LAG3: variants seen among roughly 807,000 people sequenced by gnomAD.
LAG3 encodes lymphocyte activation gene 3 protein.
In LAG3, 29 loss-of-function variants were observed where a neutral mutation model predicts 49.0. That is an observed-to-expected ratio of 0.59 (90% CI 0.44 to 0.81). The LOEUF is 0.81. Ranked by LOEUF, LAG3 falls within the 30% of genes least tolerant of loss-of-function variation. The pLI, the probability that LAG3 is intolerant of heterozygous loss-of-function variation, is 0.00. For missense variants in LAG3, 693 were observed against 695.2 expected (o/e 1.00, Z 0.04); for synonymous variants, 320 against 297.3 (o/e 1.08, Z -0.79).
At chr12:6,775,246 T>C (rs1240681982) in intron 4 of LAG3, 27 bp from the exon 5 acceptor site, 1 of 1,602,232 alleles carries the variant, frequency 6.2e-7, no homozygotes, top group Non-Finnish European at 8.5e-7. Flanking sequence ...CACCCAGCTT[T>C]AACTTTGGGT....
At chr12:6,776,753 T>C (rs1236899983) in intron 5 of LAG3, among the ~76,000 whole-genome samples, 1 of 152,160 alleles carries the variant, frequency 6.6e-6, no homozygotes, top group Non-Finnish European at 1.5e-5. Context: ...AGTTCCAAAA[T>C]TGTGAAGTAG....
intron 5 of LAG3, 68 bp from the exon 6 acceptor site, chr12:6,777,196 G>A: frequency 6.3e-7 from 1 of 1,590,626 alleles, no homozygotes; most frequent in Non-Finnish European, 8.6e-7. Context: ...TGAGACTTGG[G>A]GTTCAACCTG....
At chr12:6,774,030 G>T in intron 3 of LAG3, 29 bp downstream of exon 3, 5 of 1,391,218 alleles carry the variant, frequency 3.6e-6, no homozygotes, top group Non-Finnish European at 3.7e-6. Context: ...TGGGAGAAGG[G>T]CTGGGAGGTG....
intron 5 of LAG3, among the ~76,000 whole-genome samples, chr12:6,776,290 C>T (rs1941907439): frequency 2.0e-5 from 3 of 152,144 alleles, no homozygotes; most frequent in Admixed American, 2.0e-4. Context: ...AGCTTTTTCT[C>T]CCACCAATCC....
At position 6,772,825 on chromosome 12, in the gene LAG3, G is replaced by A. The variant is rs1941858907; in HGVS notation, c.-28G>A. The A allele has an allele frequency of 1.9e-6, 3 of 1,609,166 alleles. No homozygotes were observed. In the African/African-American group the frequency reaches 4.0e-5, roughly 22 times the overall value. On this transcript the variant is annotated 5_prime_UTR_variant, in exon 1 of 8. Transcript: ENST00000203629. ...TCCTTTTCTGACCTCCTTTTGGAGG[G>A]CTCAGCGCTGCCCAGACCATAGGAG...
In LAG3 at chr12:6,775,496, C is replaced by A. The variant is rs771446426; in HGVS notation, c.1005C>A (p.Ile335=). 6 of 1,614,074 alleles carry A rather than the reference C, an allele frequency of 3.7e-6. No homozygotes were observed. Among genetic ancestry groups the A allele is most frequent in the East Asian group, 2.2e-5 (1 of 44,904 alleles). Residue 335 remains isoleucine, a synonymous_variant, in exon 5 of 8, where the codon ATC becomes ATA. Transcript: ENST00000203629. ...AGGCTGGGACCTACACCTGCCATAT[C>A]CATCTGCAGGAACAGCAGCTCAATG... ...QAQAGTYTCH[I]HLQEQQLNAT...
rs1036816241 is a variant in LAG3 at position 6,777,514 on chromosome 12, G to A, written c.1300+8G>A. 7.4e-6 allele frequency: 12 copies of A among 1,611,220 alleles called. No homozygotes were observed. Among genetic ancestry groups the A allele is most frequent in the Non-Finnish European group, 1.0e-5 (12 of 1,178,694 alleles). On this transcript the variant is annotated splice_region_variant and intron_variant, in intron 6 of 7. Coordinates refer to ENST00000203629, the MANE Select transcript of LAG3 (RefSeq NM_002286.6). Reference sequence around the variant, plus strand: ...CAGAGCTGTCTAGCCCAGGTCCGAGGCCCCAGAATGCCAGGACCCAAACGC... The same window carrying A: ...CAGAGCTGTCTAGCCCAGGTCCGAGACCCCAGAATGCCAGGACCCAAACGC...
In LAG3 at chr12:6,777,943, C is replaced by T. The variant is rs553492298; in HGVS notation, c.1431+22C>T. 32 of 1,611,808 alleles carry T rather than the reference C, an allele frequency of 2.0e-5. No homozygotes were observed. In the Admixed American group the frequency reaches 2.0e-4, roughly 10 times the overall value. ...ACAGGTGAGCCAGGGACATGGCAACCCCGCCCCCCAGCAGCTCCCGCTCTT... is the reference window on the plus strand; with the variant it reads ...ACAGGTGAGCCAGGGACATGGCAACTCCGCCCCCCAGCAGCTCCCGCTCTT... On this transcript the variant is annotated intron_variant, in intron 7 of 7. Transcript: ENST00000203629.
At position 6,775,427 on chromosome 12, in the gene LAG3, C is replaced by T. The variant is rs554966606; in HGVS notation, c.936C>T (p.Asp312=). 6.2e-7 allele frequency: 1 copy of T among 1,614,220 alleles called. No homozygotes were observed. The highest frequency in any genetic ancestry group is 1.1e-5 in the South Asian group (1 of 91,086). Residue 312 remains aspartate, a synonymous_variant, in exon 5 of 8, where the codon GAC becomes GAT. Coordinates refer to ENST00000203629, the MANE Select transcript of LAG3 (RefSeq NM_002286.6). ...GCCCTGACCTCCTGGTGACTGGAGA[C>T]AATGGCGACTTTACCCTTCGACTAG... The part of the protein sequence containing the change: ...GGGPDLLVTG[D]NGDFTLRLED...
In LAG3 at chr12:6,774,759, C is replaced by G; in HGVS notation, c.676C>G (p.Leu226Val). The change falls in exon 4 of 8, where the codon CTC becomes GTC. Residue 226 changes from leucine to valine, a missense_variant. Coordinates refer to ENST00000203629, the MANE Select transcript of LAG3 (RefSeq NM_002286.6). ...SPHHHLAESF[L>V]FLPQVSPMDS... is the part of the protein sequence containing the mutation. Reference sequence around the variant, plus strand: ...CCATCACCACTTAGCGGAAAGCTTCCTCTTCCTGCCCCAAGTCAGCCCCAT... The same window carrying G: ...CCATCACCACTTAGCGGAAAGCTTCGTCTTCCTGCCCCAAGTCAGCCCCAT... The G allele has an allele frequency of 6.2e-7, 1 of 1,614,202 alleles. No individual in the cohort carries two copies.
rs1476475794 is a variant in LAG3, at chr12:6,773,616, C to T, written c.207-81C>T. 7.5e-7 allele frequency: 1 copy of T among 1,334,562 alleles called. No individual in the cohort carries two copies. The highest frequency in any genetic ancestry group is 9.5e-7 in the Non-Finnish European group (1 of 1,048,594). 82.7% of individuals were successfully genotyped at this position (1,334,562 alleles called of 1,614,324 possible). On this transcript the variant is annotated intron_variant, in intron 2 of 7. Coordinates refer to ENST00000203629, the MANE Select transcript of LAG3 (RefSeq NM_002286.6). The surrounding 1 kb of genome is among the most constrained non-coding windows in gnomAD (Gnocchi z 5.5). ...AGAGAACTCTTGGGGCGGGCTTTCT[C>T]ATCCTCAACGGGTGGCTGCCTGCAT...
At chr12:6,774,995 G>A (rs1241044646) in intron 4 of LAG3, 131 bp downstream of exon 4, 9 of 961,944 alleles carry the variant, frequency 9.4e-6, no homozygotes, top group Non-Finnish European at 1.4e-5. Context: ...GGGTCTCACT[G>A]TTCGACCCCT....
At position 6,773,785 on chromosome 12, in the gene LAG3, T is replaced by C; in HGVS notation, c.295T>C (p.Tyr99His). Residue 99 changes from tyrosine (Y) to histidine (H), a missense_variant, in exon 3 of 8, where the codon TAC (tyrosine) becomes CAC (histidine). Physicochemically the swap from Tyr to His is moderately conservative, Grantham distance 83 (BLOSUM62 2). Transcript: ENST00000203629. The surrounding 1 kb of genome is among the most constrained non-coding windows in gnomAD (Gnocchi z 5.5). ...CTCCTGGGGGCCCAGGCCCCGCCGC[T>C]ACACGGTGCTGAGCGTGGGTCCCGG... ...PSSWGPRPRRYTVLSVGPGGL... is the reference protein window; with the variant it reads ...PSSWGPRPRRHTVLSVGPGGL... The C allele has an allele frequency of 2.2e-6, 3 of 1,358,438 alleles. No homozygotes were observed. The highest frequency in any genetic ancestry group is 2.8e-6 in the Non-Finnish European group (3 of 1,060,834). The allele number at this position is 1,358,438 out of a possible 1,614,324, so 84.1% of individuals were successfully genotyped here.
rs566081528 is a variant in LAG3, at chr12:6,778,338, A to G, written c.1526A>G (p.Glu509Gly). 1.2e-6 allele frequency: 2 copies of G among 1,612,876 alleles called. No homozygotes were observed. Among genetic ancestry groups the G allele is most frequent in the East Asian group, 2.2e-5 (1 of 44,860 alleles). ...GAGCTGGAGCAAGAACCGGAGCCGGAGCCGGAGCCGGAACCGGAGCCCGAG... is the reference window on the plus strand; with the variant it reads ...GAGCTGGAGCAAGAACCGGAGCCGGGGCCGGAGCCGGAACCGGAGCCCGAG... Reference protein sequence around the residue: ...IEELEQEPEPEPEPEPEPEPE... With the variant: ...IEELEQEPEPGPEPEPEPEPE... Residue 509 changes from glutamate (E) to glycine (G), a missense_variant, in exon 8 of 8, where the codon GAG (glutamate) becomes GGG (glycine). Coordinates refer to ENST00000203629, the MANE Select transcript of LAG3 (RefSeq NM_002286.6).
chr12:6,773,874 G>A lies in LAG3; in HGVS notation c.384G>A (p.Gln128=), dbSNP rs1283342389. Residue 128 remains glutamine (Q), a synonymous_variant, in exon 3 of 8, where the codon CAG becomes CAA. Coordinates refer to ENST00000203629, the MANE Select transcript of LAG3 (RefSeq NM_002286.6). This position sits in a 1 kb window ranked among gnomAD's most constrained non-coding sequence, Gnocchi z 5.5. The part of the protein sequence containing the change: ...PRVQLDERGR[Q]RGDFSLWLRP... Reference sequence around the variant, plus strand: ...TCCAGCTGGATGAGCGCGGCCGGCAGCGCGGGGACTTCTCGCTATGGCTGC... The same window carrying A: ...TCCAGCTGGATGAGCGCGGCCGGCAACGCGGGGACTTCTCGCTATGGCTGC... The A allele has an allele frequency of 2.9e-6, 4 of 1,400,832 alleles. No individual in the cohort carries two copies. In the African/African-American group the frequency reaches 6.1e-5, roughly 21 times the overall value. 86.8% of individuals were successfully genotyped at this position (1,400,832 alleles called of 1,614,324 possible). A position where few individuals can be genotyped will look rare whatever the true frequency, so the allele number is the denominator to read the frequency against.
Position 6,774,013 on chromosome 12 carries a change from G to A in LAG3, c.511+12G>A. ...GGGCCAGGCCTCGAGTATGTGGGGC[G>A]GGACGATGGGAGAAGGGCTGGGAGG... On this transcript the variant is annotated intron_variant, in intron 3 of 7. Transcript: ENST00000203629. 7.1e-7 allele frequency: 1 copy of A among 1,400,962 alleles called. No individual in the cohort carries two copies. The highest frequency in any genetic ancestry group is 9.2e-7 in the Non-Finnish European group (1 of 1,089,618). The allele number at this position is 1,400,962 out of a possible 1,614,324, so 86.8% of individuals were successfully genotyped here. A position where few individuals can be genotyped will look rare whatever the true frequency, so the allele number is the denominator to read the frequency against.
chr12:6,777,605 T>A, intron 6 of LAG3, 99 bp downstream of exon 6: 1 of 1,503,012 alleles, frequency 6.7e-7, no homozygotes, highest in Non-Finnish European at 9.0e-7. Context: ...CGCTTTTCTT[T>A]CCAGTCAGGG....
Position 6,773,900 on chromosome 12 carries a change from GC to G in LAG3, c.413del (p.Pro138GlnfsTer34). On this transcript the variant is annotated frameshift_variant, in exon 3 of 8. Coordinates refer to ENST00000203629, the MANE Select transcript of LAG3 (RefSeq NM_002286.6). LOFTEE classifies it high-confidence loss of function. The surrounding 1 kb of genome is among the most constrained non-coding windows in gnomAD (Gnocchi z 5.5). ...CGCGGGGACTTCTCGCTATGGCTGCGCCCAGCCCGGCGCGCGGACGCCGGCG... is the reference window on the plus strand; with the variant it reads ...CGCGGGGACTTCTCGCTATGGCTGCGCCAGCCCGGCGCGCGGACGCCGGCG... The part of the protein sequence containing the change: ...RQRGDFSLWL[R>X]PARRADAGEY... The G allele has an allele frequency of 7.2e-7, 1 of 1,384,176 alleles. No individual in the cohort carries two copies. The highest frequency in any genetic ancestry group is 9.3e-7 in the Non-Finnish European group (1 of 1,077,306). 85.7% of individuals were successfully genotyped at this position (1,384,176 alleles called of 1,614,324 possible). A position where few individuals can be genotyped will look rare whatever the true frequency, so the allele number is the denominator to read the frequency against.
chr12:6,778,128 T>A (rs1941927996), intron 7 of LAG3, 116 bp from the exon 8 acceptor site: 10 of 1,306,378 alleles, frequency 7.7e-6, no homozygotes, highest in Non-Finnish European at 1.1e-5. Flanking sequence ...CAGGACCAGA[T>A]GGGGAGGGCA....
Sources: gnomAD v4.1 joint callset for allele counts (sites outside exome capture counted in the v4.1 genomes callset) on GRCh38, gnomAD v4.1.1 for gene constraint, Gnocchi (gnomAD v3.1) non-coding constraint, MANE v1.5 for transcripts, NCBI Gene and HGNC (gene_info 2026-07-23, HGNC 2026-07-21) for gene names.